Variants in AKAP6 observed in about 807,000 individuals in gnomAD.
AKAP6 encodes the protein A-kinase anchoring protein 6, also known as A-kinase anchor protein 6.
In AKAP6, 58 loss-of-function variants were observed where a neutral mutation model predicts 188.5. The ratio of observed to expected loss-of-function variants is 0.31; its 90% CI spans 0.25 to 0.38. The LOEUF is 0.38. Ranked by LOEUF, AKAP6 falls within the 10% of genes least tolerant of loss-of-function variation. AKAP6 has a pLI of 1.00. For synonymous variants in AKAP6, 989 were observed against 998.6 expected (o/e 0.99, Z 0.18); for missense variants, 2,710 against 2,740.0 (o/e 0.99, Z 0.24).
intron 4 of AKAP6, among the ~76,000 whole-genome samples, chr14:32,556,499 C>A (rs1249901246): frequency 6.6e-6 from 1 of 152,026 alleles, no homozygotes; most frequent in Non-Finnish European, 1.5e-5. Context: ...TGCGCCACCA[C>A]ACCTGGCTAA....
At chr14:32,827,458 A>C (rs1429547145) in intron 13 of AKAP6, among the ~76,000 whole-genome samples, 1 of 152,136 alleles carries the variant, frequency 6.6e-6, no homozygotes, top group Non-Finnish European at 1.5e-5. Context: ...AGTAACAAAA[A>C]TGTTTTCCAG....
intron 2 of AKAP6, among the ~76,000 whole-genome samples, chr14:32,476,827 C>T (rs1879089490): frequency 6.6e-6 from 1 of 152,176 alleles, no homozygotes; most frequent in African/African-American, 2.4e-5. Context: ...ACCCAGCCTC[C>T]ACAGTGGCTT....
At chr14:32,360,597 ATC>A (rs1325271433) in intron 1 of AKAP6, among the ~76,000 whole-genome samples, 2 of 151,760 alleles carry the variant, frequency 1.3e-5, no homozygotes, top group African/African-American at 4.8e-5. Flanking sequence ...TATTTATTCA[ATC>A]GTTTATATCA....
chr14:32,811,580 C>T (rs569036731), intron 12 of AKAP6, among the ~76,000 whole-genome samples: 91 of 152,276 alleles, frequency 6.0e-4, no homozygotes, highest in African/African-American at 2.1e-3. Context: ...GAAGTGAAGG[C>T]AGTCTTGTGG....
At chr14:32,409,220 A>T (rs1048166848) in intron 1 of AKAP6, among the ~76,000 whole-genome samples, 1 of 152,070 alleles carries the variant, frequency 6.6e-6, no homozygotes, top group African/African-American at 2.4e-5. Flanking sequence ...ACAAAACAAA[A>T]AAGATTAGCA....
chr14:32,631,238 C>T (rs1887260412), intron 7 of AKAP6, among the ~76,000 whole-genome samples: 1 of 151,722 alleles, frequency 6.6e-6, no homozygotes. Context: ...TTTGAGCGCC[C>T]CGTATATAAG....
chr14:32,750,246 C>T lies in AKAP6; in HGVS notation c.3372+14364C>T, dbSNP rs552667651. Among the ~76,000 whole-genome samples, 8 of 152,212 alleles carry T rather than the reference C, an allele frequency of 5.3e-5. No individual in the cohort carries two copies. The South Asian group carries it at 1.7e-3, about 32-fold the overall frequency. On this transcript the variant is annotated intron_variant, in intron 11 of 13. Transcript: ENST00000280979. ...TTTATTTACAGTGCCAAGATTGAAT[C>T]AGATGCCACTTTTACAATTTAAAAA...
chr14:32,742,914 G>GT (rs367988090), intron 11 of AKAP6, among the ~76,000 whole-genome samples: 1 of 152,032 alleles, frequency 6.6e-6, no homozygotes, highest in African/African-American at 2.4e-5. Context: ...TAAATCCAAT[G>GT]TTTTTTTCTT....
At chr14:32,407,190 G>C (rs1439703394) in intron 1 of AKAP6, among the ~76,000 whole-genome samples, 1 of 152,022 alleles carries the variant, frequency 6.6e-6, no homozygotes, top group African/African-American at 2.4e-5. Context: ...GGCTACCCCT[G>C]TTTCCTTCTT....
At chr14:32,428,016 C>A (rs1890090437) in intron 1 of AKAP6, among the ~76,000 whole-genome samples, 1 of 152,118 alleles carries the variant, frequency 6.6e-6, no homozygotes, top group Non-Finnish European at 1.5e-5. Flanking sequence ...GAAAAGACTG[C>A]CTCTCAAACT....
At chr14:32,829,637 T>A (rs1376751490) in intron 13 of AKAP6, among the ~76,000 whole-genome samples, 1 of 151,146 alleles carries the variant, frequency 6.6e-6, no homozygotes, top group Non-Finnish European at 1.5e-5. Flanking sequence ...AAAAAATCAA[T>A]GTATTTTTCA....
chr14:32,574,425 A>G (rs183336771), intron 4 of AKAP6, among the ~76,000 whole-genome samples: 1 of 152,154 alleles, frequency 6.6e-6, no homozygotes. Flanking sequence ...CATCTCACAG[A>G]TTTCAGCTAA....
At chr14:32,664,456 G>C (rs1222287386) in intron 7 of AKAP6, among the ~76,000 whole-genome samples, 1 of 146,822 alleles carries the variant, frequency 6.8e-6, no homozygotes, top group Non-Finnish European at 1.5e-5. Flanking sequence ...GAAGAATATT[G>C]GTTATGTTTT....
intron 12 of AKAP6, among the ~76,000 whole-genome samples, chr14:32,818,919 C>G (rs902759076): frequency 1.3e-5 from 2 of 152,140 alleles, no homozygotes; most frequent in Admixed American, 1.3e-4. Context: ...TTTATTAGCA[C>G]TCTCAGAGTA....
intron 4 of AKAP6, among the ~76,000 whole-genome samples, chr14:32,569,465 A>G (rs925284639): frequency 5.3e-5 from 8 of 152,288 alleles, no homozygotes; most frequent in African/African-American, 1.9e-4. Flanking sequence ...GTGTGGGTAT[A>G]TAAGTTAGGT....
chr14:32,492,384 G>GCA (rs1880082037), intron 2 of AKAP6, among the ~76,000 whole-genome samples: 1 of 70,486 alleles, frequency 1.4e-5, no homozygotes, highest in Admixed American at 1.8e-4. Flanking sequence ...AGAGAGAGAG[G>GCA]CATTTGGATA....
intron 8 of AKAP6, among the ~76,000 whole-genome samples, chr14:32,693,129 A>C (rs1312740692): frequency 1.3e-5 from 2 of 152,188 alleles, no homozygotes; most frequent in Non-Finnish European, 2.9e-5. Flanking sequence ...GCTTAGGTAC[A>C]GTCTGGCTGG....
chr14:32,433,857 C>A, intron 2 of AKAP6, 40 bp downstream of exon 2: 1 of 1,568,578 alleles, frequency 6.4e-7, no homozygotes, highest in South Asian at 1.2e-5. Flanking sequence ...TAGAAGTTTT[C>A]AAAAGGCTGT....
intron 2 of AKAP6, among the ~76,000 whole-genome samples, chr14:32,470,311 T>C (rs181846833): frequency 7.2e-5 from 11 of 152,340 alleles, no homozygotes; most frequent in Admixed American, 7.2e-4. Flanking sequence ...AGAAGCAATG[T>C]TTCAGGCATT....
Sources: gnomAD v4.1 joint callset for allele counts (sites outside exome capture counted in the v4.1 genomes callset) on GRCh38, gnomAD v4.1.1 for gene constraint, MANE v1.5 for transcripts, NCBI Gene and HGNC (gene_info 2026-07-23, HGNC 2026-07-21) for gene names.